The following PPM1D variants were observed in gnomAD, a reference collection of about 807,000 sequenced individuals.
PPM1D encodes protein phosphatase 1D.
PPM1D carries 52 observed loss-of-function variants against 58.3 expected under a neutral mutation model. The observed-to-expected ratio is 0.89, with a 90% CI of 0.71 to 1.12. The LOEUF is 1.12. PPM1D is among the 50% of genes most tolerant of loss of function. PPM1D has a pLI of 0.00. For synonymous variants in PPM1D, 278 were observed against 285.1 expected, an observed-to-expected ratio of 0.98 and a Z score of 0.25; for missense variants, 564 against 777.2, an observed-to-expected ratio of 0.73 and a Z score of 3.26.
At chr17:60,638,280 C>A (rs867976179) in intron 3 of PPM1D, among the ~76,000 whole-genome samples, 4 of 152,068 alleles carry the variant, frequency 2.6e-5, no homozygotes, top group South Asian at 2.1e-4. Context: ...ATTTTCTTTT[C>A]AAAAATAATG....
chr17:60,625,121 G>C (rs1381744461), intron 2 of PPM1D, among the ~76,000 whole-genome samples: 2 of 152,012 alleles, frequency 1.3e-5, no homozygotes, highest in Non-Finnish European at 2.9e-5. Flanking sequence ...CAGCCTGGGC[G>C]ACAGAGCGAG....
At chr17:60,644,806 A>G (rs1198865726) in intron 3 of PPM1D, among the ~76,000 whole-genome samples, 1 of 152,252 alleles carries the variant, frequency 6.6e-6, no homozygotes, top group Non-Finnish European at 1.5e-5. Flanking sequence ...ATTTTTATGT[A>G]CTAAAAATGA....
chr17:60,613,634 T>C (rs1373381604), intron 1 of PPM1D, among the ~76,000 whole-genome samples: 1 of 152,180 alleles, frequency 6.6e-6, no homozygotes, highest in Non-Finnish European at 1.5e-5. Context: ...GGGTGGGAAC[T>C]GGGGCTGCGT....
rs1251612257 is a variant in PPM1D at position 60,663,801 on chromosome 17, T to C, written c.*249T>C. 1 of 446,348 alleles carries C rather than the reference T, an allele frequency of 2.2e-6. No individual in the cohort carries two copies. Among genetic ancestry groups the C allele is most frequent in the Non-Finnish European group, 4.1e-6 (1 of 246,030 alleles). 27.6% of individuals were successfully genotyped at this position (446,348 alleles called of 1,614,324 possible). ...TATCCACACAAATTCAGTCTCTGAA[T>C]ACACAGTATTCAGAGTCTCTGATAC... is the stretch of plus-strand genomic sequence containing the variant. On this transcript the variant is annotated 3_prime_UTR_variant, in exon 6 of 6. Transcript: ENST00000305921.
chr17:60,611,251 C>G (rs973649751), intron 1 of PPM1D, among the ~76,000 whole-genome samples: 1 of 152,098 alleles, frequency 6.6e-6, no homozygotes, highest in Non-Finnish European at 1.5e-5. Flanking sequence ...GAACTCCTGA[C>G]CTCAAGTGAT....
At chr17:60,649,309 A>G (rs538361177) in intron 4 of PPM1D, among the ~76,000 whole-genome samples, 1 of 152,316 alleles carries the variant, frequency 6.6e-6, no homozygotes, top group South Asian at 2.1e-4. Context: ...TCCTTAGAAA[A>G]GATGATCTTT....
intron 1 of PPM1D, among the ~76,000 whole-genome samples, chr17:60,610,195 G>T (rs1016892693): frequency 4.1e-5 from 6 of 146,414 alleles, no homozygotes; most frequent in East Asian, 4.0e-4. Context: ...AAAAAAAAAA[G>T]ATATGTATGT....
intron 4 of PPM1D, among the ~76,000 whole-genome samples, chr17:60,656,310 G>A (rs369710808): frequency 1.3e-5 from 2 of 151,192 alleles, no homozygotes; most frequent in Non-Finnish European, 2.9e-5. Flanking sequence ...AAAATTAGCC[G>A]GCCATGGTGG....
chr17:60,609,171 G>A (rs575746004), intron 1 of PPM1D, among the ~76,000 whole-genome samples: 15 of 151,928 alleles, frequency 9.9e-5, no homozygotes, highest in South Asian at 6.2e-4. Flanking sequence ...TCGGCTCACC[G>A]CAACCTCCGC....
At chr17:60,642,352 ATTTT>A (rs760188816) in intron 3 of PPM1D, among the ~76,000 whole-genome samples, 7 of 124,868 alleles carry the variant, frequency 5.6e-5, no homozygotes, top group South Asian at 5.1e-4. Flanking sequence ...AGAAGAATGG[ATTTT>A]TTTTTTTTTT....
At chr17:60,634,518 A>C (rs551739356) in intron 3 of PPM1D, among the ~76,000 whole-genome samples, 205 of 152,214 alleles carry the variant, frequency 1.3e-3, no homozygotes, top group Non-Finnish European at 2.0e-3. Context: ...AAGTATATGC[A>C]TATCTAGGCT....
In PPM1D at chr17:60,663,613, G is replaced by A. The variant is rs2031571914; in HGVS notation, c.*61G>A. 1 of 1,519,158 alleles carries A rather than the reference G, an allele frequency of 6.6e-7. No homozygotes were observed. The highest frequency in any genetic ancestry group is 8.8e-7 in the Non-Finnish European group (1 of 1,134,960). 94.1% of individuals were successfully genotyped at this position (1,519,158 alleles called of 1,614,324 possible). On this transcript the variant is annotated 3_prime_UTR_variant, in exon 6 of 6. Coordinates refer to ENST00000305921, the MANE Select transcript of PPM1D (RefSeq NM_003620.4). ...GATATAAGAGGGCTTTTTAAATTTG[G>A]TGCCGATGTTGAACTTTTTTTAAGG...
chr17:60,656,473 G>GAA (rs367746536), intron 4 of PPM1D, 126 bp from the exon 5 acceptor site: 75 of 966,294 alleles, frequency 7.8e-5, no homozygotes, highest in South Asian at 1.5e-4. Context: ...AAAGAGAAAA[G>GAA]AAAAAAAAAA....
At chr17:60,654,938 C>A (rs1395429587) in intron 4 of PPM1D, among the ~76,000 whole-genome samples, 1 of 151,748 alleles carries the variant, frequency 6.6e-6, no homozygotes, top group Non-Finnish European at 1.5e-5. Context: ...TGGAGTACAT[C>A]ATTTTCACTT....
intron 3 of PPM1D, 50 bp from the exon 4 acceptor site, chr17:60,647,842 C>T (rs375741147): frequency 6.7e-7 from 1 of 1,490,706 alleles, no homozygotes; most frequent in Non-Finnish European, 9.3e-7. Flanking sequence ...TGCTGTTGTA[C>T]TATTAGCTTC....
At position 60,649,625 on chromosome 17, in the gene PPM1D, G is replaced by A. The variant is rs567270205; in HGVS notation, c.1017+1543G>A. The stretch of plus-strand genomic sequence containing the variant: ...AATCTCTTGAACCCAGGAGGCAGAG[G>A]TCGCAGTGAGCCAAGATCATGCCAT... On this transcript the variant is annotated intron_variant, in intron 4 of 5. Coordinates refer to ENST00000305921, the MANE Select transcript of PPM1D (RefSeq NM_003620.4). 3.1e-3 allele frequency among the ~76,000 whole-genome samples: 467 copies of A among 151,924 alleles called. 1 individual carries two copies. The highest frequency in any genetic ancestry group is 4.8e-3 in the Non-Finnish European group (326 of 67,990).
At chr17:60,650,617 T>G (rs907794750) in intron 4 of PPM1D, among the ~76,000 whole-genome samples, 6 of 151,844 alleles carry the variant, frequency 4.0e-5, no homozygotes, top group African/African-American at 1.2e-4. Context: ...ACAGCTCTTA[T>G]GTTTATAAGG....
chr17:60,615,381 G>T (rs1398598426), intron 1 of PPM1D, among the ~76,000 whole-genome samples: 1 of 152,010 alleles, frequency 6.6e-6, no homozygotes. Context: ...CTGCATTGCA[G>T]CCCGGGTGAC....
intron 1 of PPM1D, among the ~76,000 whole-genome samples, chr17:60,619,164 C>T (rs2030646676): frequency 6.6e-6 from 1 of 150,716 alleles, no homozygotes; most frequent in African/African-American, 2.4e-5. Flanking sequence ...GCATATTTCA[C>T]TTAGCATAAT....
Sources: allele counts gnomAD v4.1 joint callset (sites outside exome capture counted in the v4.1 genomes callset), GRCh38; gene constraint gnomAD v4.1.1; transcripts MANE v1.5; gene names NCBI Gene and HGNC (gene_info 2026-07-23, HGNC 2026-07-21).